Variants in PTK7 observed in about 807,000 individuals in gnomAD.
The protein encoded by PTK7 is inactive tyrosine-protein kinase 7.
In PTK7, 39 loss-of-function variants were observed where a neutral mutation model predicts 116.6. That is an observed-to-expected ratio of 0.33 (90% CI 0.26 to 0.44). PTK7 has a LOEUF of 0.44. PTK7 is among the 20% of genes least tolerant of loss of function. The pLI is 1.00. For synonymous variants in PTK7, 546 were observed against 563.6 expected (o/e 0.97, Z 0.44); for missense variants, 1,169 against 1,425.6 (o/e 0.82, Z 2.90).
At chr6:43,084,262 C>G (rs1766535336) in intron 1 of PTK7, among the ~76,000 whole-genome samples, 1 of 152,176 alleles carries the variant, frequency 6.6e-6, no homozygotes, top group Admixed American at 6.5e-5. Flanking sequence ...TCCCAAGTAG[C>G]TGGGACCACA....
chr6:43,093,672 T>C (rs775065153), intron 1 of PTK7, among the ~76,000 whole-genome samples: 43 of 152,282 alleles, frequency 2.8e-4, no homozygotes, highest in Non-Finnish European at 5.1e-4. Context: ...CATTGCTGAA[T>C]GCCATTGTCA....
chr6:43,114,430 G>GTCTCCCTCTGTT (rs1768378329), intron 1 of PTK7, among the ~76,000 whole-genome samples: 1 of 151,586 alleles, frequency 6.6e-6, no homozygotes, highest in South Asian at 2.1e-4. Context: ...TTATCTCCCT[G>GTCTCCCTCTGTT]TCTCCCTCTG....
In PTK7 at chr6:43,076,873, C is replaced by G. The variant is rs965447944; in HGVS notation, c.79+306C>G. 96 of 1,485,648 alleles carry G rather than the reference C, an allele frequency of 6.5e-5. No individual in the cohort carries two copies. The highest frequency in any genetic ancestry group is 8.4e-5 in the Non-Finnish European group (94 of 1,114,746). 92.0% of individuals were successfully genotyped at this position (1,485,648 alleles called of 1,614,324 possible). ...CGAGAACTGCCGAGAGTTGCTGGCT[C>G]TCGGGCCCAGATGGGGAGTTTCTTG... On this transcript the variant is annotated intron_variant, in intron 1 of 19. Transcript: ENST00000230419. The surrounding 1 kb of genome is among the most constrained non-coding windows in gnomAD (Gnocchi z 5.7).
Position 43,139,288 on chromosome 6 carries a change from TG to T in PTK7, c.1498+22del. On this transcript the variant is annotated intron_variant, in intron 9 of 19. Transcript: ENST00000230419. This position sits in a 1 kb window ranked among gnomAD's most constrained non-coding sequence, Gnocchi z 4.6. ...AAGTGCTGGGTGAGCCAGCATGTCT[TG>T]GGGGAGCACCCTTCCTGGCTAGGCA... 1.2e-6 allele frequency: 2 copies of T among 1,614,168 alleles called. No individual in the cohort carries two copies. Among genetic ancestry groups the T allele is most frequent in the South Asian group, 1.1e-5 (1 of 91,082 alleles).
At position 43,145,355 on chromosome 6, in the gene PTK7, C is replaced by T; in HGVS notation, c.2563C>T (p.His855Tyr). ...RELEMFGKLN[H>Y]ANVVRLLGLC... ...GTTGGAGATGTTTGGGAAGCTGAACCACGCCAACGTGGTGCGGCTCCTGGG... is the reference window on the plus strand; with the variant it reads ...GTTGGAGATGTTTGGGAAGCTGAACTACGCCAACGTGGTGCGGCTCCTGGG... Residue 855 changes from histidine (H) to tyrosine (Y), a missense_variant, in exon 16 of 20, where the codon CAC becomes TAC. Coordinates refer to ENST00000230419, the MANE Select transcript of PTK7 (RefSeq NM_002821.5). The surrounding 1 kb of genome is among the most constrained non-coding windows in gnomAD (Gnocchi z 4.8). The T allele has an allele frequency of 6.2e-7, 1 of 1,613,400 alleles. No individual in the cohort carries two copies. The highest frequency in any genetic ancestry group is 8.5e-7 in the Non-Finnish European group (1 of 1,179,768).
At chr6:43,125,966 C>T (rs1223580431) in intron 1 of PTK7, among the ~76,000 whole-genome samples, 2 of 151,996 alleles carry the variant, frequency 1.3e-5, no homozygotes, top group East Asian at 1.9e-4. Flanking sequence ...GTCCACACTT[C>T]GAAGGCAGGT....
At chr6:43,095,114 C>T (rs1381518565) in intron 1 of PTK7, among the ~76,000 whole-genome samples, 1 of 146,762 alleles carries the variant, frequency 6.8e-6, no homozygotes, top group East Asian at 2.1e-4. Flanking sequence ...AGTCCCAGCA[C>T]TTTGGGAGGC....
At chr6:43,157,371 T>A (rs1771554373) in intron 17 of PTK7, among the ~76,000 whole-genome samples, 1 of 85,750 alleles carries the variant, frequency 1.2e-5, no homozygotes, top group African/African-American at 5.5e-5. Flanking sequence ...TATATTTTTT[T>A]TTTTCTTTTT....
chr6:43,150,787 CTT>C (rs1176963526), intron 17 of PTK7, among the ~76,000 whole-genome samples: 2 of 60,742 alleles, frequency 3.3e-5, no homozygotes, highest in African/African-American at 7.0e-5. Context: ...GTAGACTCAG[CTT>C]TTTTTTTTTT....
chr6:43,119,547 C>T (rs1444293083), intron 1 of PTK7, among the ~76,000 whole-genome samples: 1 of 152,130 alleles, frequency 6.6e-6, no homozygotes, highest in African/African-American at 2.4e-5. Context: ...GGTCCGAACC[C>T]CTCCAGTGAA....
intron 1 of PTK7, among the ~76,000 whole-genome samples, chr6:43,112,414 G>A (rs964257665): frequency 1.3e-5 from 2 of 151,782 alleles, no homozygotes; most frequent in African/African-American, 4.8e-5. Flanking sequence ...GACTACTTGG[G>A]AGTGTCTCTC....
rs746085755 is a variant in PTK7, at chr6:43,129,126, C to T, written c.229C>T (p.Arg77Trp). The change falls in exon 2 of 20, where the codon CGG becomes TGG. Residue 77 changes from arginine to tryptophan, a missense_variant. By Grantham distance (101) the Arg-to-Trp change is moderately radical (BLOSUM62 -3). Around this residue, in one of 3 missense-constraint regions of PTK7, gnomAD observed 487 missense variants for 549.8 expected, o/e 0.89. Transcript: ENST00000230419. This position sits in a 1 kb window ranked among gnomAD's most constrained non-coding sequence, Gnocchi z 4.5. ...LDGAPVQDTE[R>W]RFAQGSSLSF... is the part of the protein sequence containing the mutation. The stretch of plus-strand genomic sequence containing the variant: ...TGGGGCCCCTGTCCAGGACACGGAG[C>T]GGCGTTTCGCCCAGGGCAGCAGCCT... 6 of 1,614,086 alleles carry T rather than the reference C, an allele frequency of 3.7e-6. No individual in the cohort carries two copies. The highest frequency in any genetic ancestry group is 5.1e-6 in the Non-Finnish European group (6 of 1,180,048).
Position 43,139,147 on chromosome 6 carries a change from C to T in PTK7, c.1374C>T (p.Phe458=), listed in dbSNP as rs867440178. The change falls in exon 9 of 20, where the codon TTC becomes TTT. Residue 458 remains phenylalanine (F), a synonymous_variant. Coordinates refer to ENST00000230419, the MANE Select transcript of PTK7 (RefSeq NM_002821.5). This position sits in a 1 kb window ranked among gnomAD's most constrained non-coding sequence, Gnocchi z 4.6. ...NQMLISEDSR[F]EVFKNGTLRI... is the part of the protein sequence containing the mutation. ...CACCTGTGCTGCAGGACTCACGGTT[C>T]GAGGTCTTCAAGAATGGGACCTTGC... The T allele has an allele frequency of 5.6e-6, 9 of 1,614,046 alleles. No individual in the cohort carries two copies. The highest frequency in any genetic ancestry group is 2.2e-5 in the South Asian group (2 of 91,078).
chr6:43,122,156 A>T (rs1210436908), intron 1 of PTK7, among the ~76,000 whole-genome samples: 2 of 152,144 alleles, frequency 1.3e-5, no homozygotes, highest in Admixed American at 1.3e-4. Context: ...AAGAAAAAAA[A>T]TGTCTCTGGG....
At chr6:43,078,396 A>T (rs1387038440) in intron 1 of PTK7, among the ~76,000 whole-genome samples, 3 of 152,130 alleles carry the variant, frequency 2.0e-5, no homozygotes, top group African/African-American at 7.2e-5. Flanking sequence ...AGAGCCTTAA[A>T]TCAATTCCAC....
intron 16 of PTK7, among the ~76,000 whole-genome samples, 157 bp from the exon 17 acceptor site, chr6:43,146,461 A>G (rs766128384): frequency 2.0e-5 from 1 of 51,152 alleles, no homozygotes; most frequent in African/African-American, 9.2e-5. Context: ...AAAGTTCTGC[A>G]CTCCCAGTGA....
chr6:43,124,177 G>A (rs2150419925), intron 1 of PTK7, among the ~76,000 whole-genome samples: 1 of 152,318 alleles, frequency 6.6e-6, no homozygotes, highest in Non-Finnish European at 1.5e-5. Flanking sequence ...AAGTCAGGGG[G>A]CGGGGACAGG....
chr6:43,150,787 C>CTTTCTTTT (rs1771018167), intron 17 of PTK7, among the ~76,000 whole-genome samples: 1 of 60,742 alleles, frequency 1.6e-5, no homozygotes, highest in South Asian at 7.1e-4. Flanking sequence ...GTAGACTCAG[C>CTTTCTTTT]TTTTTTTTTT....
intron 1 of PTK7, among the ~76,000 whole-genome samples, chr6:43,121,037 C>A (rs992032114): frequency 3.6e-4 from 54 of 149,694 alleles, no homozygotes; most frequent in African/African-American, 1.1e-3. Flanking sequence ...GAGCACCTTA[C>A]GTCATGTGCC....
Sources: allele counts gnomAD v4.1 joint callset (sites outside exome capture counted in the v4.1 genomes callset), GRCh38; gene constraint gnomAD v4.1.1; regional missense constraint gnomAD v4.1.1; non-coding constraint Gnocchi (gnomAD v3.1); transcripts MANE v1.5; gene names NCBI Gene and HGNC (gene_info 2026-07-23, HGNC 2026-07-21).